Variants in ARHGEF28 observed in about 807,000 individuals in gnomAD.
ARHGEF28 encodes 190 kDa guanine nucleotide exchange factor.
In ARHGEF28, 152 loss-of-function variants were observed where a neutral mutation model predicts 206.6. That is an observed-to-expected ratio of 0.74 (90% CI 0.64 to 0.84). The LOEUF is 0.84. ARHGEF28 is among the 40% of genes least tolerant of loss of function. The pLI, the probability that ARHGEF28 is intolerant of heterozygous loss-of-function variation, is 0.00. For missense variants in ARHGEF28, 2,028 were observed against 2,073.2 expected, an observed-to-expected ratio of 0.98 and a Z score of 0.42; for synonymous variants, 763 against 776.4, an observed-to-expected ratio of 0.98 and a Z score of 0.29.
chr5:73,649,973 T>G (rs1243044632), intron 1 of ARHGEF28, among the ~76,000 whole-genome samples: 1 of 152,212 alleles, frequency 6.6e-6, no homozygotes, highest in Non-Finnish European at 1.5e-5. Context: ...TTTTCTCACC[T>G]GATTGGGTGT....
In ARHGEF28 at chr5:73,713,905, T is replaced by G. The variant is rs570216092; in HGVS notation, c.33+29021T>G. ...AGAAAGAGAGGAAATATTTGCAAAA[T>G]TAAAAATTGCAAATAGATGTCTTTA... On this transcript the variant is annotated intron_variant, in intron 2 of 35. Transcript: ENST00000513042. 1.9e-4 allele frequency among the ~76,000 whole-genome samples: 29 copies of G among 152,274 alleles called. No individual in the cohort carries two copies. The South Asian group carries it at 5.8e-3, about 30-fold the overall frequency.
At chr5:73,658,962 T>TACACAC (rs55877309) in intron 1 of ARHGEF28, among the ~76,000 whole-genome samples, 7,639 of 124,648 alleles carry the variant, frequency 0.061, 257 homozygotes, top group Non-Finnish European at 0.081. Context: ...TGCATGCAGG[T>TACACAC]ACACACACAC....
At chr5:73,851,605 T>C (rs1758709575) in intron 13 of ARHGEF28, among the ~76,000 whole-genome samples, 1 of 152,212 alleles carries the variant, frequency 6.6e-6, no homozygotes, top group African/African-American at 2.4e-5. Context: ...ATTTGAGGAA[T>C]GACGTAAACA....
chr5:73,781,421 A>C (rs552922594), intron 7 of ARHGEF28, among the ~76,000 whole-genome samples: 7 of 152,296 alleles, frequency 4.6e-5, no homozygotes, highest in Admixed American at 1.3e-4. Flanking sequence ...CTGATGCCCC[A>C]CTTGTGCATA....
chr5:73,853,386 G>A lies in ARHGEF28; in HGVS notation c.1790+694G>A, dbSNP rs192711601. 1.4e-4 allele frequency among the ~76,000 whole-genome samples: 21 copies of A among 152,344 alleles called. 1 individual carries two copies. In the East Asian group the frequency reaches 3.7e-3, roughly 27 times the overall value. On this transcript the variant is annotated intron_variant, in intron 14 of 35. Coordinates refer to ENST00000513042, the MANE Select transcript of ARHGEF28 (RefSeq NM_001177693.2). ...ATGGCACACATGTTTGACTTTAAGA[G>A]ACCATCTGAAAAGAGTGAAATGGTT...
At chr5:73,838,079 G>A (rs1424623157) in intron 10 of ARHGEF28, among the ~76,000 whole-genome samples, 1 of 152,018 alleles carries the variant, frequency 6.6e-6, no homozygotes, top group East Asian at 1.9e-4. Context: ...GGTGAAAGAA[G>A]TATTGCTTTA....
At chr5:73,882,417 G>T (rs569186441) in intron 22 of ARHGEF28, 55 bp from the exon 23 acceptor site, 7 of 1,192,814 alleles carry the variant, frequency 5.9e-6, no homozygotes, top group African/African-American at 3.2e-5. Flanking sequence ...CATATTTTTT[G>T]TGTGTTTAGA....
At position 73,852,784 on chromosome 5, in the gene ARHGEF28, A is replaced by G. The variant is rs970365139; in HGVS notation, c.1790+92A>G. ...ATTTTTGCTATCTGTTCACTAGTTC[A>G]TGAGAGGTTTCCATGTAACAAGCCT... On this transcript the variant is annotated intron_variant, in intron 14 of 35. Transcript: ENST00000513042. The G allele has an allele frequency of 3.7e-6, 5 of 1,357,134 alleles. No individual in the cohort carries two copies. In the East Asian group the frequency reaches 1.1e-4, roughly 31 times the overall value. 84.1% of individuals were successfully genotyped at this position (1,357,134 alleles called of 1,614,324 possible).
rs1250958155 is a variant in ARHGEF28, at chr5:73,865,947, T to C, written c.2104-18T>C. The C allele has an allele frequency of 5.2e-6, 8 of 1,549,986 alleles. No individual in the cohort carries two copies. The highest frequency in any genetic ancestry group is 6.2e-6 in the Non-Finnish European group (7 of 1,126,862). ...ATACTTTGATCTTACTTTATGTGTT[T>C]CTAATATTCTTTACCAGAAATTCCA... On this transcript the variant is annotated intron_variant, in intron 17 of 35. Transcript: ENST00000513042.
intron 2 of ARHGEF28, among the ~76,000 whole-genome samples, chr5:73,732,349 T>A (rs1248071681): frequency 6.6e-6 from 1 of 152,094 alleles, no homozygotes; most frequent in Non-Finnish European, 1.5e-5. Context: ...TTTTTTTTTT[T>A]CACTCAGTGA....
At chr5:73,867,587 G>A (rs571085862) in intron 18 of ARHGEF28, among the ~76,000 whole-genome samples, 7 of 152,236 alleles carry the variant, frequency 4.6e-5, no homozygotes, top group South Asian at 4.1e-4. Flanking sequence ...GAAACCTGGC[G>A]CAGTATTTCC....
chr5:73,853,894 G>A (rs917498722), intron 14 of ARHGEF28, among the ~76,000 whole-genome samples: 4 of 152,190 alleles, frequency 2.6e-5, no homozygotes, highest in Middle Eastern at 3.4e-3. Context: ...ATATTCATTT[G>A]TCATTAGGAG....
rs375143821 is a variant in ARHGEF28, at chr5:73,776,635, T to C, written c.779T>C (p.Leu260Ser). ...ACCCTGAACCACACAGCCGAGCATT[T>C]GTTGGAGGCAGATATTAAACTCTTC... ...TLTLNHTAEH[L>S]LEADIKLFRK... is the part of the protein sequence containing the mutation. The change falls in exon 6 of 36, where the codon TTG (leucine) becomes TCG (serine). Residue 260 changes from leucine (L) to serine (S), a missense_variant. Transcript: ENST00000513042. 24 of 1,613,792 alleles carry C rather than the reference T, an allele frequency of 1.5e-5. No individual in the cohort carries two copies. The highest frequency in any genetic ancestry group is 2.0e-5 in the Non-Finnish European group (24 of 1,179,844).
chr5:73,889,334 G>A (rs1761489773), intron 26 of ARHGEF28, among the ~76,000 whole-genome samples: 2 of 152,210 alleles, frequency 1.3e-5, no homozygotes, highest in Admixed American at 6.5e-5. Context: ...GTAGCAAGAG[G>A]ATGGAGTAGT....
chr5:73,868,069 G>A (rs781132709), intron 19 of ARHGEF28, 31 bp from the exon 20 acceptor site: 2 of 1,612,934 alleles, frequency 1.2e-6, no homozygotes, highest in Non-Finnish European at 1.7e-6. Flanking sequence ...GAGCTTCTGG[G>A]GCTAACTTTG....
At chr5:73,816,012 CA>C (rs1756186022) in intron 9 of ARHGEF28, among the ~76,000 whole-genome samples, 1 of 152,118 alleles carries the variant, frequency 6.6e-6, no homozygotes, top group South Asian at 2.1e-4. Flanking sequence ...AGAGTCCCAG[CA>C]TCACAGATCC....
At position 73,845,224 on chromosome 5, in the gene ARHGEF28, A is replaced by G. The variant is rs536743469; in HGVS notation, c.1428-1044A>G. 3.3e-5 allele frequency among the ~76,000 whole-genome samples: 5 copies of G among 152,146 alleles called. No individual in the cohort carries two copies. In the South Asian group the frequency reaches 6.2e-4, roughly 19 times the overall value. Reference sequence around the variant, plus strand: ...AGTAGAGATGTAGTTTCACCGTGTTAGCCAGGATGGTCTCGATCTCTGACC... The same window carrying G: ...AGTAGAGATGTAGTTTCACCGTGTTGGCCAGGATGGTCTCGATCTCTGACC... On this transcript the variant is annotated intron_variant, in intron 11 of 35. Transcript: ENST00000513042.
rs747736158 is a variant in ARHGEF28 at position 73,911,592 on chromosome 5, A to C, written c.4948+17A>C. The stretch of plus-strand genomic sequence containing the variant: ...GTAAAAATGGTAATTAACACTTTAA[A>C]CATCATCTGTATAGTTTGAACAAGA... On this transcript the variant is annotated intron_variant, in intron 35 of 35. Transcript: ENST00000513042. The C allele has an allele frequency of 1.4e-4, 217 of 1,568,094 alleles. No homozygotes were observed. Among genetic ancestry groups the C allele is most frequent in the Non-Finnish European group, 1.8e-4 (209 of 1,154,086 alleles).
intron 1 of ARHGEF28, among the ~76,000 whole-genome samples, chr5:73,661,445 G>A (rs1437813031): frequency 6.6e-6 from 1 of 152,112 alleles, no homozygotes; most frequent in African/African-American, 2.4e-5. Context: ...TCCTGGAGAA[G>A]TACTTTTAAT....
Sources: allele counts gnomAD v4.1 joint callset (sites outside exome capture counted in the v4.1 genomes callset), GRCh38; gene constraint gnomAD v4.1.1; transcripts MANE v1.5; gene names NCBI Gene and HGNC (gene_info 2026-07-23, HGNC 2026-07-21).